The following MTF2 variants were observed in gnomAD, a reference collection of about 807,000 sequenced individuals.
MTF2 encodes the protein metal response element binding transcription factor 2.
In MTF2, 11 loss-of-function variants were observed where a neutral mutation model predicts 79.5. That is an observed-to-expected ratio of 0.14 (90% CI 0.09 to 0.23). MTF2 has a LOEUF of 0.23. MTF2 is among the 10% of genes least tolerant of loss of function. The pLI, the probability that MTF2 is intolerant of heterozygous loss-of-function variation, is 1.00. For missense variants in MTF2, 486 were observed against 711.2 expected, an observed-to-expected ratio of 0.68 and a Z score of 3.60; for synonymous variants, 208 against 232.8, an observed-to-expected ratio of 0.89 and a Z score of 0.97.
At position 93,121,262 on chromosome 1, in the gene MTF2, T is replaced by C. The variant is rs1656465285; in HGVS notation, c.921+590T>C. 11 of 936,190 alleles carry C rather than the reference T, an allele frequency of 1.2e-5. No individual in the cohort carries two copies. In the South Asian group the frequency reaches 3.5e-4, roughly 29 times the overall value. 58.0% of individuals were successfully genotyped at this position (936,190 alleles called of 1,614,324 possible). The stretch of plus-strand genomic sequence containing the variant: ...TTTTTAAATGAATTTAAAAGTAATG[T>C]GTGTTCATTAAAGAAAATTTTGAAA... On this transcript the variant is annotated intron_variant, in intron 9 of 14. Coordinates refer to ENST00000370298, the MANE Select transcript of MTF2 (RefSeq NM_007358.4).
chr1:93,114,786 A>G lies in MTF2; in HGVS notation c.382+3A>G, dbSNP rs368315000. Reference sequence around the variant, plus strand: ...TATATGTGACAAGTGTGGCCAAGGTAACCATTGATTTCTTTTAATCTTGTT... The same window carrying G: ...TATATGTGACAAGTGTGGCCAAGGTGACCATTGATTTCTTTTAATCTTGTT... On this transcript the variant is annotated splice_donor_region_variant and intron_variant, in intron 4 of 14. Transcript: ENST00000370298. 3 of 1,596,476 alleles carry G rather than the reference A, an allele frequency of 1.9e-6. No homozygotes were observed. Among genetic ancestry groups the G allele is most frequent in the Non-Finnish European group, 2.6e-6 (3 of 1,170,014 alleles).
At chr1:93,112,592 TAG>T (rs1413593123) in intron 3 of MTF2, among the ~76,000 whole-genome samples, 1 of 152,214 alleles carries the variant, frequency 6.6e-6, no homozygotes, top group African/African-American at 2.4e-5. Flanking sequence ...AATTATCTAA[TAG>T]ACTCCTTTCT....
chr1:93,118,283 AGAAAT>A, intron 6 of MTF2, 57 bp from the exon 7 acceptor site: 6 of 980,498 alleles, frequency 6.1e-6, no homozygotes, highest in Non-Finnish European at 8.9e-6. Flanking sequence ...TTTTTTTTAA[AGAAAT>A]GAACCTTTCC....
chr1:93,106,991 T>A (rs1655822487), intron 1 of MTF2, among the ~76,000 whole-genome samples: 1 of 152,192 alleles, frequency 6.6e-6, no homozygotes, highest in Non-Finnish European at 1.5e-5. Context: ...CTTGCACTGA[T>A]CTTGTCAAAC....
chr1:93,120,095 CAACACGGTGA>C (rs1411206357), intron 8 of MTF2: 1 of 152,428 alleles, frequency 6.6e-6, no homozygotes, highest in African/African-American at 2.4e-5. Context: ...CCAGCCTGGC[CAACACGGTGA>C]AACCACGTTT....
chr1:93,108,043 G>A (rs1156446347), intron 1 of MTF2, among the ~76,000 whole-genome samples: 3 of 152,128 alleles, frequency 2.0e-5, no homozygotes, highest in Non-Finnish European at 4.4e-5. Context: ...CAAAGTGCTG[G>A]GATTACAGGC....
At chr1:93,124,153 T>G (rs1246586179) in intron 9 of MTF2, among the ~76,000 whole-genome samples, 1 of 152,110 alleles carries the variant, frequency 6.6e-6, no homozygotes, top group Admixed American at 6.5e-5. Context: ...AGTATTACAT[T>G]GTTTCCTTAT....
intron 3 of MTF2, among the ~76,000 whole-genome samples, chr1:93,114,074 A>G (rs1447922819): frequency 6.6e-6 from 1 of 151,444 alleles, no homozygotes; most frequent in Non-Finnish European, 1.5e-5. Flanking sequence ...AAAAATTAAT[A>G]ATTTTGGGAC....
chr1:93,133,103 G>C (rs1457767406), intron 11 of MTF2, among the ~76,000 whole-genome samples: 1 of 151,504 alleles, frequency 6.6e-6, no homozygotes, highest in East Asian at 1.9e-4. Context: ...TTTTCCTTTT[G>C]AATGACTCCC....
intron 1 of MTF2, among the ~76,000 whole-genome samples, chr1:93,102,432 A>T (rs983860073): frequency 2.6e-5 from 4 of 151,786 alleles, no homozygotes; most frequent in African/African-American, 7.3e-5. Flanking sequence ...AATTATTTTT[A>T]AAAAATCAGG....
intron 1 of MTF2, among the ~76,000 whole-genome samples, chr1:93,107,800 T>G (rs1655861584): frequency 6.6e-6 from 1 of 151,958 alleles, no homozygotes; most frequent in Non-Finnish European, 1.5e-5. Context: ...TCTTTTCTTT[T>G]GACAGGTTCT....
chr1:93,094,680 G>C (rs1206538533), intron 1 of MTF2, among the ~76,000 whole-genome samples: 2 of 151,806 alleles, frequency 1.3e-5, no homozygotes, highest in South Asian at 2.1e-4. Context: ...TTGCCTTTTT[G>C]GGGGGTGGGG....
chr1:93,111,270 A>G (rs1346845103), intron 3 of MTF2, among the ~76,000 whole-genome samples: 2 of 152,202 alleles, frequency 1.3e-5, no homozygotes, highest in East Asian at 1.9e-4. Context: ...ACTTTTAAAA[A>G]TTACAATCTC....
intron 3 of MTF2, among the ~76,000 whole-genome samples, chr1:93,113,822 TAAAC>T (rs929968489): frequency 2.6e-5 from 4 of 152,120 alleles, no homozygotes; most frequent in Admixed American, 2.6e-4. Context: ...GTTGTAGAAT[TAAAC>T]AAAATATATC....
At chr1:93,133,666 A>G (rs1191662090) in intron 11 of MTF2, 37 bp from the exon 12 acceptor site, 1 of 1,440,644 alleles carries the variant, frequency 6.9e-7, no homozygotes, top group African/African-American at 1.4e-5. Context: ...TGTTTTCTTT[A>G]TGCAGAGATT....
chr1:93,095,043 G>A (rs769943897), intron 1 of MTF2, among the ~76,000 whole-genome samples: 1 of 152,002 alleles, frequency 6.6e-6, no homozygotes, highest in Non-Finnish European at 1.5e-5. Flanking sequence ...ACATGGTCTT[G>A]CTCTGTTACC....
intron 1 of MTF2, among the ~76,000 whole-genome samples, chr1:93,101,976 G>T (rs1489551652): frequency 6.6e-6 from 1 of 152,168 alleles, no homozygotes; most frequent in Admixed American, 6.5e-5. Context: ...CTATATGCCC[G>T]TTGTATAACA....
intron 9 of MTF2, chr1:93,121,448 G>A (rs1254976483): frequency 1.2e-5 from 11 of 943,032 alleles, no homozygotes; most frequent in Admixed American, 6.2e-5. Context: ...GTATATCTTA[G>A]TCATGCTTTT....
chr1:93,096,040 G>C (rs1347538645), intron 1 of MTF2, among the ~76,000 whole-genome samples: 1 of 152,154 alleles, frequency 6.6e-6, no homozygotes, highest in Non-Finnish European at 1.5e-5. Context: ...GTTCTGTAGA[G>C]CAAAGGATTT....
Sources: allele counts gnomAD v4.1 joint callset (sites outside exome capture counted in the v4.1 genomes callset), GRCh38; gene constraint gnomAD v4.1.1; transcripts MANE v1.5; gene names NCBI Gene and HGNC (gene_info 2026-07-23, HGNC 2026-07-21).